ATP6V1C2: variants seen among roughly 807,000 people sequenced by gnomAD.
ATP6V1C2 encodes ATPase H+ transporting V1 subunit C2, also known as V-type proton ATPase subunit C 2.
A neutral mutation model predicts 56.8 loss-of-function variants in ATP6V1C2; 45 were observed. The observed-to-expected ratio is 0.79, with a 90% CI of 0.62 to 1.02. The LOEUF (loss-of-function observed/expected upper bound fraction) is 1.02, where lower values mean the gene tolerates loss of function less well. ATP6V1C2 is among the 50% of genes least tolerant of loss of function. The pLI, the probability that ATP6V1C2 is intolerant of heterozygous loss-of-function variation, is 0.00. For synonymous variants in ATP6V1C2, 220 were observed against 201.3 expected (o/e 1.09, Z -0.79); for missense variants, 463 against 519.7 (o/e 0.89, Z 1.06).
intron 3 of ATP6V1C2, 37 bp downstream of exon 3, chr2:10,726,606 T>C: frequency 6.4e-7 from 1 of 1,551,184 alleles, no homozygotes; most frequent in Middle Eastern, 1.7e-4. Context: ...CAAGTGAGAA[T>C]TTGACATTGT....
chr2:10,742,041 C>T (rs4669618), intron 3 of ATP6V1C2, among the ~76,000 whole-genome samples: 151,463 of 152,004 alleles, frequency 1, 75,464 homozygotes, highest in Middle Eastern at 1. Context: ...TCCCGAGTAG[C>T]TGGGATTACA....
chr2:10,775,060 A>C lies in ATP6V1C2; in HGVS notation c.814A>C (p.Lys272Gln), dbSNP rs1356855964. The change falls in exon 10 of 14, where the codon AAG becomes CAG. Residue 272 changes from lysine to glutamine, a missense_variant. Transcript: ENST00000272238. ...GATGGCCAGATTGCTGTCTGATAAG[A>C]AGCAACAGTATGTGAGTATGTGATT... The part of the protein sequence containing the change: ...EEMARLLSDK[K>Q]QQYQTSCVAL... 1 of 1,613,342 alleles carries C rather than the reference A, an allele frequency of 6.2e-7. No homozygotes were observed. Among genetic ancestry groups the C allele is most frequent in the Admixed American group, 1.7e-5 (1 of 60,010 alleles).
chr2:10,782,761 G>A (rs958639835), intron 13 of ATP6V1C2, among the ~76,000 whole-genome samples: 7 of 149,244 alleles, frequency 4.7e-5, no homozygotes, highest in African/African-American at 9.9e-5. Flanking sequence ...AACCTGGGAG[G>A]CGGAGGTTGC....
intron 4 of ATP6V1C2, among the ~76,000 whole-genome samples, chr2:10,757,768 G>C (rs537255839): frequency 6.6e-6 from 1 of 152,264 alleles, no homozygotes; most frequent in East Asian, 1.9e-4. Flanking sequence ...TTCTTGTTTT[G>C]ATCCTGACAC....
intron 10 of ATP6V1C2, 152 bp downstream of exon 10, chr2:10,775,223 T>A (rs1664886563): frequency 4.5e-6 from 3 of 664,078 alleles, no homozygotes; most frequent in Non-Finnish European, 7.8e-6. Context: ...ATGGGACGCC[T>A]GAGCAGGGTC....
intron 5 of ATP6V1C2, among the ~76,000 whole-genome samples, chr2:10,766,808 C>T (rs1664251097): frequency 6.6e-6 from 1 of 151,202 alleles, no homozygotes; most frequent in Non-Finnish European, 1.5e-5. Context: ...TACAGTTGTA[C>T]AGTATACTTC....
intron 5 of ATP6V1C2, among the ~76,000 whole-genome samples, chr2:10,766,661 G>T (rs1464701688): frequency 2.6e-5 from 4 of 152,076 alleles, no homozygotes; most frequent in African/African-American, 9.7e-5. Flanking sequence ...TCAGTTTCCT[G>T]GTTATGATAC....
chr2:10,735,496 G>T (rs368147343), intron 3 of ATP6V1C2, among the ~76,000 whole-genome samples: 1 of 151,992 alleles, frequency 6.6e-6, no homozygotes, highest in Non-Finnish European at 1.5e-5. Flanking sequence ...AATTACCCAC[G>T]TGGCTTGAAT....
intron 11 of ATP6V1C2, 55 bp from the exon 12 acceptor site, chr2:10,778,517 C>A: frequency 6.5e-7 from 1 of 1,545,422 alleles, no homozygotes. Context: ...CCTTTCTTGG[C>A]TCTGTGTCAG....
chr2:10,748,772 T>C (rs1456118713), intron 3 of ATP6V1C2, among the ~76,000 whole-genome samples: 1 of 152,194 alleles, frequency 6.6e-6, no homozygotes, highest in Non-Finnish European at 1.5e-5. Flanking sequence ...TTTAGCTCTC[T>C]GAGTCTTAAT....
chr2:10,721,646 G>T lies in ATP6V1C2; in HGVS notation c.-112G>T, dbSNP rs1661358858. On this transcript the variant is annotated 5_prime_UTR_variant, in exon 1 of 14. Coordinates refer to ENST00000272238, the MANE Select transcript of ATP6V1C2 (RefSeq NM_001039362.2). ...CGGGGCAGCGAAGCCGCTGCCTCCC[G>T]GGAGCCGGCAGAGCGCTCCGGCCCC... is the stretch of plus-strand genomic sequence containing the variant. The T allele has an allele frequency of 6.6e-6, 1 of 151,418 alleles. No homozygotes were observed. Among genetic ancestry groups the T allele is most frequent in the Admixed American group, 6.6e-5 (1 of 15,194 alleles). The allele number at this position is 151,418 out of a possible 1,614,324, so 9.4% of individuals were successfully genotyped here. A position where few individuals can be genotyped will look rare whatever the true frequency, so the allele number is the denominator to read the frequency against.
At chr2:10,739,517 A>T (rs1256627515) in intron 3 of ATP6V1C2, among the ~76,000 whole-genome samples, 1 of 151,650 alleles carries the variant, frequency 6.6e-6, no homozygotes, top group Non-Finnish European at 1.5e-5. Context: ...CCTTGGTCCT[A>T]TGCCTGGAAG....
intron 6 of ATP6V1C2, 63 bp from the exon 7 acceptor site, chr2:10,771,776 G>A (rs1486493812): frequency 1.5e-6 from 2 of 1,323,220 alleles, no homozygotes; most frequent in Non-Finnish European, 2.2e-6. Flanking sequence ...GTGGGTGTGT[G>A]TGGGGTCACT....
At position 10,782,279 on chromosome 2, in the gene ATP6V1C2, G is replaced by A. The variant is rs947284850; in HGVS notation, c.1098G>A (p.Leu366=). 1.5e-5 allele frequency: 24 copies of A among 1,614,062 alleles called. No homozygotes were observed. The highest frequency in any genetic ancestry group is 1.8e-5 in the Non-Finnish European group (21 of 1,180,042). The change falls in exon 13 of 14, where the codon CTG becomes CTA. Residue 366 remains leucine, a synonymous_variant. Coordinates refer to ENST00000272238, the MANE Select transcript of ATP6V1C2 (RefSeq NM_001039362.2). ...GLPVNFQAVL[L]QPHKKSSTKR... ...CAGTGAACTTCCAGGCAGTGCTCCT[G>A]CAGCCGCATAAGAAGTCATCCACCA... is the stretch of plus-strand genomic sequence containing the variant.
At chr2:10,754,501 C>CAA (rs1347865876) in intron 4 of ATP6V1C2, among the ~76,000 whole-genome samples, 1 of 152,122 alleles carries the variant, frequency 6.6e-6, no homozygotes, top group Non-Finnish European at 1.5e-5. Flanking sequence ...ACTGTGATTA[C>CAA]AGGCGTGAGC....
intron 5 of ATP6V1C2, among the ~76,000 whole-genome samples, chr2:10,766,586 T>C (rs1012724604): frequency 6.6e-6 from 1 of 152,236 alleles, no homozygotes; most frequent in African/African-American, 2.4e-5. Context: ...TTTTTTCGTT[T>C]TTTTGTTTTT....
At chr2:10,741,741 C>T (rs34847718) in intron 3 of ATP6V1C2, among the ~76,000 whole-genome samples, 56,392 of 151,980 alleles carry the variant, frequency 0.37, 12,195 homozygotes, top group Non-Finnish European at 0.49. Context: ...CTCTAAGGGC[C>T]TTGGCTTTGT....
intron 3 of ATP6V1C2, among the ~76,000 whole-genome samples, chr2:10,748,957 T>A (rs1349182739): frequency 1.3e-5 from 2 of 151,766 alleles, no homozygotes; most frequent in African/African-American, 4.8e-5. Context: ...GGTGACACCC[T>A]GTCTCTACTA....
chr2:10,767,083 AAG>A (rs1289124361), intron 5 of ATP6V1C2, among the ~76,000 whole-genome samples: 1 of 151,906 alleles, frequency 6.6e-6, no homozygotes, highest in Non-Finnish European at 1.5e-5. Context: ...GCAAAATGTA[AAG>A]AGAAAAACAT....
Sources: allele counts gnomAD v4.1 joint callset (sites outside exome capture counted in the v4.1 genomes callset), GRCh38; gene constraint gnomAD v4.1.1; transcripts MANE v1.5; gene names NCBI Gene and HGNC (gene_info 2026-07-23, HGNC 2026-07-21).